Variants in ORC3 observed in about 807,000 individuals in gnomAD.
ORC3 encodes origin recognition complex subunit 3.
A neutral mutation model predicts 100.7 loss-of-function variants in ORC3; 78 were observed. The observed-to-expected ratio is 0.77, with a 90% CI of 0.65 to 0.94. The LOEUF is 0.94. ORC3 is among the 40% of genes least tolerant of loss of function. ORC3 has a pLI of 0.00. For missense variants in ORC3, 789 were observed against 823.9 expected (o/e 0.96, Z 0.52); for synonymous variants, 295 against 289.3 (o/e 1.02, Z -0.20).
intron 11 of ORC3, among the ~76,000 whole-genome samples, chr6:87,630,770 A>G (rs1767344504): frequency 6.6e-6 from 1 of 152,230 alleles, no homozygotes; most frequent in African/African-American, 2.4e-5. Context: ...TTGCCACTCA[A>G]GAATCTGGAG....
intron 11 of ORC3, among the ~76,000 whole-genome samples, chr6:87,627,597 A>G (rs1209355021): frequency 6.6e-6 from 1 of 152,116 alleles, no homozygotes; most frequent in Non-Finnish European, 1.5e-5. Context: ...CACCCAGCCA[A>G]TATGAACACA....
In ORC3 at chr6:87,663,075, T is replaced by G. The variant is rs1770325705; in HGVS notation, c.1764T>G (p.Arg588=). Residue 588 remains arginine, a synonymous_variant, in exon 17 of 20, where the codon CGT becomes CGG. Coordinates refer to ENST00000392844, the MANE Select transcript of ORC3 (RefSeq NM_012381.4). ...ACTTCAGTGCTGCCCATGCCCTTCG[T>G]GAGCATTTAAATGCTGCTCCGCGAA... ...VVYFSAAHAL[R]EHLNAAPRIA... is the part of the protein sequence containing the mutation. 1 of 1,612,462 alleles carries G rather than the reference T, an allele frequency of 6.2e-7. No individual in the cohort carries two copies. Among genetic ancestry groups the G allele is most frequent in the Admixed American group, 1.7e-5 (1 of 59,992 alleles).
chr6:87,594,017 TC>T (rs1330170121), intron 1 of ORC3, among the ~76,000 whole-genome samples: 2 of 152,264 alleles, frequency 1.3e-5, no homozygotes, highest in Non-Finnish European at 2.9e-5. Context: ...TAGTATTAAT[TC>T]CTTTAAGTTT....
Position 87,609,187 on chromosome 6 carries a change from G to A in ORC3, c.671G>A (p.Ser224Asn), listed in dbSNP as rs1176779657. Residue 224 changes from serine (S) to asparagine (N), a missense_variant, in exon 7 of 20, where the codon AGC (serine) becomes AAC (asparagine). Coordinates refer to ENST00000392844, the MANE Select transcript of ORC3 (RefSeq NM_012381.4). ...GTCGTTATCTTGAAGGATATGGAAAGCTTTGCCACAAAAGTACTACAAGAC... is the reference window on the plus strand; with the variant it reads ...GTCGTTATCTTGAAGGATATGGAAAACTTTGCCACAAAAGTACTACAAGAC... ...PVVVILKDME[S>N]FATKVLQDFI... 2 of 1,610,376 alleles carry A rather than the reference G, an allele frequency of 1.2e-6. No homozygotes were observed. Among genetic ancestry groups the A allele is most frequent in the Non-Finnish European group, 8.5e-7 (1 of 1,178,904 alleles).
intron 13 of ORC3, among the ~76,000 whole-genome samples, chr6:87,639,895 G>T (rs148026412): frequency 6.6e-6 from 1 of 151,850 alleles, no homozygotes; most frequent in Admixed American, 6.6e-5. Flanking sequence ...ATCCTTGGAG[G>T]CTGAGGTGGG....
intron 4 of ORC3, among the ~76,000 whole-genome samples, chr6:87,604,912 A>G (rs1422746351): frequency 6.6e-6 from 1 of 152,194 alleles, no homozygotes; most frequent in Non-Finnish European, 1.5e-5. Context: ...TTTTCTTCCA[A>G]GCAATGAAAG....
intron 8 of ORC3, among the ~76,000 whole-genome samples, chr6:87,615,251 ACTTTTCCCCATGATTCAGTTACCT>A (rs1779077312): frequency 6.6e-6 from 1 of 152,114 alleles, no homozygotes; most frequent in Non-Finnish European, 1.5e-5. Context: ...CATGGGAAAG[ACTTTTCCCCATGATTCAGTTACCT>A]CCCACCAGGT....
In ORC3 at chr6:87,666,981, A is replaced by T. The variant is rs769511955; in HGVS notation, c.2031-37A>T. ...AGATTTTAATCCCTTTTTGTCAAAA[A>T]TACAGCACGGCCAGTTTCCTTAATT... is the stretch of plus-strand genomic sequence containing the variant. On this transcript the variant is annotated intron_variant, in intron 19 of 19. Coordinates refer to ENST00000392844, the MANE Select transcript of ORC3 (RefSeq NM_012381.4). The T allele has an allele frequency of 4.6e-6, 6 of 1,317,644 alleles. No homozygotes were observed. In the Admixed American group the frequency reaches 1.3e-4, roughly 28 times the overall value. 81.6% of individuals were successfully genotyped at this position (1,317,644 alleles called of 1,614,324 possible). A position where few individuals can be genotyped will look rare whatever the true frequency, so the allele number is the denominator to read the frequency against.
chr6:87,650,923 C>T (rs1769208482), intron 13 of ORC3: 1 of 310,030 alleles, frequency 3.2e-6, no homozygotes, highest in Non-Finnish European at 6.4e-6. Flanking sequence ...AGGAGAATCG[C>T]TTGGACCTGG....
intron 15 of ORC3, 87 bp downstream of exon 15, chr6:87,657,069 T>A: frequency 1.1e-6 from 1 of 878,030 alleles, no homozygotes; most frequent in Non-Finnish European, 1.9e-6. Flanking sequence ...CCTGGATGTT[T>A]TTGTTTTCAT....
chr6:87,677,234 G>GT, the ORC3 span, among the ~76,000 whole-genome samples: 1 of 152,016 alleles, frequency 6.6e-6, no homozygotes, highest in Non-Finnish European at 1.5e-5. Flanking sequence ...ACCTGATCAA[G>GT]TATCACAGAA....
chr6:87,603,324 C>T (rs192583717), intron 3 of ORC3, 60 bp from the exon 4 acceptor site: 1 of 896,964 alleles, frequency 1.1e-6, no homozygotes, highest in African/African-American at 1.7e-5. Context: ...CTTTCCACAA[C>T]CAGGAAAGAC....
the ORC3 span, among the ~76,000 whole-genome samples, chr6:87,672,801 A>C: frequency 6.6e-6 from 1 of 152,048 alleles, no homozygotes; most frequent in South Asian, 2.1e-4. Flanking sequence ...TTAAACCTCC[A>C]ATATTTATTT....
the ORC3 span, chr6:87,677,719 A>C: frequency 5.1e-6 from 7 of 1,379,778 alleles, no homozygotes; most frequent in Non-Finnish European, 6.9e-6. Context: ...CTCAGAGAAT[A>C]TACCGCACCA....
At chr6:87,672,835 A>C in the ORC3 span, among the ~76,000 whole-genome samples, 7 of 152,152 alleles carry the variant, frequency 4.6e-5, no homozygotes, top group African/African-American at 1.7e-4. Context: ...TATTTTTCCA[A>C]AAGTACAAAC....
intron 2 of ORC3, among the ~76,000 whole-genome samples, chr6:87,599,744 G>A (rs1195970456): frequency 6.6e-6 from 1 of 152,120 alleles, no homozygotes. Flanking sequence ...GGGAGGCCAA[G>A]GTGGGCAGAT....
At chr6:87,613,329 A>G (rs1048189726) in intron 8 of ORC3, among the ~76,000 whole-genome samples, 1 of 152,212 alleles carries the variant, frequency 6.6e-6, no homozygotes, top group Non-Finnish European at 1.5e-5. Context: ...AGAACAGCAC[A>G]GGAAAGACTT....
intron 8 of ORC3, among the ~76,000 whole-genome samples, chr6:87,616,029 A>T (rs1779129274): frequency 6.6e-6 from 1 of 151,560 alleles, no homozygotes; most frequent in Non-Finnish European, 1.5e-5. Flanking sequence ...AAAAAAAAGG[A>T]TGATATAGTT....
chr6:87,635,831 T>C (rs77408487), intron 12 of ORC3, among the ~76,000 whole-genome samples: 4 of 152,188 alleles, frequency 2.6e-5, no homozygotes, highest in African/African-American at 9.6e-5. Context: ...ATTTTTGCCA[T>C]TGAGCCTTAA....
Sources: allele counts gnomAD v4.1 joint callset (sites outside exome capture counted in the v4.1 genomes callset), GRCh38; gene constraint gnomAD v4.1.1; transcripts MANE v1.5; gene names NCBI Gene and HGNC (gene_info 2026-07-23, HGNC 2026-07-21).